UGT1A6: variants seen among roughly 807,000 people sequenced by gnomAD.
UGT1A6 encodes UDP-glucuronosyltransferase 1A6.
A neutral mutation model predicts 44.4 loss-of-function variants in UGT1A6; 32 were observed. The observed-to-expected ratio is 0.72, with a 90% CI of 0.54 to 0.97. UGT1A6 has a LOEUF of 0.97. Among genes scored for constraint, UGT1A6 ranks in the 50% least tolerant of loss-of-function variants. The pLI, the probability that UGT1A6 is intolerant of heterozygous loss-of-function variation, is 0.00. For synonymous variants in UGT1A6, 238 were observed against 248.5 expected (o/e 0.96, Z 0.40); for missense variants, 685 against 661.9 (o/e 1.03, Z -0.38).
intron 1 of UGT1A6, chr2:233,712,937 A>C: frequency 6.2e-6 from 10 of 1,612,352 alleles, no homozygotes; most frequent in East Asian, 4.5e-5. Context: ...GAAGGAAACA[A>C]TTCTAGGAGG....
chr2:233,758,503 A>C (rs1293377688), intron 1 of UGT1A6, among the ~76,000 whole-genome samples: 1 of 152,234 alleles, frequency 6.6e-6, no homozygotes, highest in Non-Finnish European at 1.5e-5. Context: ...AATTTCTAAT[A>C]AGGACACAAC....
At chr2:233,706,753 C>T (rs1051377553) in intron 1 of UGT1A6, among the ~76,000 whole-genome samples, 3 of 152,174 alleles carry the variant, frequency 2.0e-5, no homozygotes, top group African/African-American at 7.2e-5. Context: ...AAGCAGAGTG[C>T]CGTACACTGG....
Position 233,772,709 on chromosome 2 carries a change from TAAATAA to T in UGT1A6, c.*157_*162del. ...CCCAGAGTGCTTTAAAAAATTCTCT[TAAATAA>T]AAATAATAGACTCGCTAGTCAGTAA... On this transcript the variant is annotated 3_prime_UTR_variant, in exon 5 of 5. Coordinates refer to ENST00000305139, the MANE Select transcript of UGT1A6 (RefSeq NM_001072.4). 1 of 1,467,584 alleles carries T rather than the reference TAAATAA, an allele frequency of 6.8e-7. No individual in the cohort carries two copies. Among genetic ancestry groups the T allele is most frequent in the Non-Finnish European group, 9.0e-7 (1 of 1,115,204 alleles). 90.9% of individuals were successfully genotyped at this position (1,467,584 alleles called of 1,614,324 possible).
intron 1 of UGT1A6, chr2:233,729,826 C>T (rs1653998510): frequency 6.2e-7 from 1 of 1,613,940 alleles, no homozygotes; most frequent in Non-Finnish European, 8.5e-7. Flanking sequence ...TTATGCAAGC[C>T]TTGCCTCTGA....
At chr2:233,735,436 C>T (rs1234543811) in intron 1 of UGT1A6, among the ~76,000 whole-genome samples, 1 of 152,154 alleles carries the variant, frequency 6.6e-6, no homozygotes, top group Non-Finnish European at 1.5e-5. Flanking sequence ...CTGAATACAG[C>T]ATACCGATGG....
intron 1 of UGT1A6, chr2:233,719,622 C>T: frequency 4.3e-6 from 7 of 1,614,034 alleles, no homozygotes; most frequent in Non-Finnish European, 5.9e-6. Flanking sequence ...CTACCCCAGG[C>T]CGATCATGCC....
chr2:233,714,506 A>T (rs1575507249), intron 1 of UGT1A6, among the ~76,000 whole-genome samples: 1 of 152,250 alleles, frequency 6.6e-6, no homozygotes, highest in African/African-American at 2.4e-5. Flanking sequence ...CTTAAAAAAA[A>T]TTCTTACTAG....
chr2:233,767,912 T>A lies in UGT1A6; in HGVS notation c.1057T>A (p.Trp353Arg), dbSNP rs1559414817. The change falls in exon 3 of 5, where the codon TGG (tryptophan) becomes AGG (arginine). Residue 353 changes from tryptophan (W) to arginine (R), a missense_variant. Physicochemically the swap from Trp to Arg is moderately radical, Grantham distance 101. Coordinates refer to ENST00000305139, the MANE Select transcript of UGT1A6 (RefSeq NM_001072.4). ...TGCGAACAACACGATACTTGTTAAG[T>A]GGCTACCCCAAAACGATCTGCTTGG... is the stretch of plus-strand genomic sequence containing the variant. The part of the protein sequence containing the change: ...NLANNTILVK[W>R]LPQNDLLGHP... The A allele has an allele frequency of 2.5e-6, 4 of 1,614,202 alleles. No homozygotes were observed. Among genetic ancestry groups the A allele is most frequent in the Non-Finnish European group, 3.4e-6 (4 of 1,180,044 alleles).
At chr2:233,698,370 A>G (rs531245162) in intron 1 of UGT1A6, among the ~76,000 whole-genome samples, 3 of 152,340 alleles carry the variant, frequency 2.0e-5, no homozygotes, top group African/African-American at 7.2e-5. Flanking sequence ...AATGCCATGA[A>G]ATTGTTCACT....
intron 1 of UGT1A6, among the ~76,000 whole-genome samples, chr2:233,764,945 G>GA (rs2126013513): frequency 6.6e-6 from 1 of 152,312 alleles, no homozygotes; most frequent in Non-Finnish European, 1.5e-5. Context: ...GAGTGGCGGG[G>GA]AGAGAGGGCT....
At chr2:233,717,869 T>G in intron 1 of UGT1A6, 1 of 454,868 alleles carries the variant, frequency 2.2e-6, no homozygotes, top group South Asian at 1.6e-5. Context: ...TGGATTGACT[T>G]GGAGAAAAGC....
chr2:233,767,285 T>G, intron 2 of UGT1A6, 120 bp downstream of exon 2: 4 of 1,569,258 alleles, frequency 2.5e-6, no homozygotes, highest in Non-Finnish European at 3.4e-6. Flanking sequence ...CCCTGCCACT[T>G]CCCAACTATT....
intron 1 of UGT1A6, chr2:233,747,692 G>A: frequency 6.2e-7 from 1 of 1,611,132 alleles, no homozygotes; most frequent in Non-Finnish European, 8.5e-7. Context: ...GTGGGGCAGT[G>A]CTGGCTAAGT....
chr2:233,711,003 C>T (rs1366862423), intron 1 of UGT1A6, among the ~76,000 whole-genome samples: 1 of 152,174 alleles, frequency 6.6e-6, no homozygotes, highest in African/African-American at 2.4e-5. Context: ...CTATTGGATG[C>T]CTTTTTCTAT....
chr2:233,748,198 C>G, intron 1 of UGT1A6: 1 of 1,535,946 alleles, frequency 6.5e-7, no homozygotes, highest in Non-Finnish European at 8.8e-7. Flanking sequence ...TTCTGCTTGT[C>G]GTAATAGCCT....
intron 1 of UGT1A6, among the ~76,000 whole-genome samples, chr2:233,698,716 A>C (rs2075457689): frequency 1.3e-5 from 2 of 152,260 alleles, no homozygotes; most frequent in South Asian, 4.1e-4. Context: ...AAGCCTTTTG[A>C]AAACCATAGC....
At chr2:233,760,549 G>A (rs2125985791) in intron 1 of UGT1A6, 1 of 1,614,268 alleles carries the variant, frequency 6.2e-7, no homozygotes, top group Non-Finnish European at 8.5e-7. Context: ...AAGGGAGGAT[G>A]TGAAAGAGTC....
At chr2:233,728,213 C>A (rs2077690894) in intron 1 of UGT1A6, among the ~76,000 whole-genome samples, 1 of 152,180 alleles carries the variant, frequency 6.6e-6, no homozygotes, top group Non-Finnish European at 1.5e-5. Flanking sequence ...TGGAGAAGAG[C>A]CTGACCATAA....
At chr2:233,760,844 GCC>G in intron 1 of UGT1A6, 1 of 1,613,986 alleles carries the variant, frequency 6.2e-7, no homozygotes, top group Non-Finnish European at 8.5e-7. Flanking sequence ...GCTACCCAGT[GCC>G]CCAACCCATT....
Sources: gnomAD v4.1 joint callset for allele counts (sites outside exome capture counted in the v4.1 genomes callset) on GRCh38, gnomAD v4.1.1 for gene constraint, MANE v1.5 for transcripts, NCBI Gene and HGNC (gene_info 2026-07-23, HGNC 2026-07-21) for gene names.